PRR16: variants seen among roughly 807,000 people sequenced by gnomAD.
The protein encoded by PRR16 is protein Largen.
A neutral mutation model predicts 18.2 loss-of-function variants in PRR16; 6 were observed. That is an observed-to-expected ratio of 0.33 (90% CI 0.18 to 0.65). PRR16 has a LOEUF of 0.65. PRR16 is among the 30% of genes least tolerant of loss of function. PRR16 has a pLI of 0.74. For missense variants in PRR16, 412 were observed against 376.6 expected (o/e 1.09, Z -0.78); for synonymous variants, 151 against 147.8 (o/e 1.02, Z -0.16).
chr5:120,656,361 T>C (rs1305731649), intron 1 of PRR16, among the ~76,000 whole-genome samples: 1 of 150,280 alleles, frequency 6.7e-6, no homozygotes, highest in African/African-American at 2.5e-5. Context: ...GGATGTAAGA[T>C]AAGTGGTAGC....
intron 1 of PRR16, among the ~76,000 whole-genome samples, chr5:120,573,563 A>G (rs542879152): frequency 2.2e-3 from 338 of 152,276 alleles, no homozygotes; most frequent in African/African-American, 7.6e-3. Flanking sequence ...GAGCACGGTG[A>G]ACTTGGAGAA....
chr5:120,692,381 A>G, the PRR16 span, among the ~76,000 whole-genome samples: 1 of 152,330 alleles, frequency 6.6e-6, no homozygotes, highest in South Asian at 2.1e-4. Flanking sequence ...ATTAAAAAGT[A>G]AAGACTGTGT....
At chr5:120,737,739 T>C in the PRR16 span, among the ~76,000 whole-genome samples, 19 of 151,948 alleles carry the variant, frequency 1.3e-4, no homozygotes, top group Non-Finnish European at 5.9e-5. Context: ...ACGGGATTAT[T>C]TTGTTTGTTT....
chr5:120,519,268 T>G (rs1180228345), intron 1 of PRR16, among the ~76,000 whole-genome samples: 1 of 152,122 alleles, frequency 6.6e-6, no homozygotes, highest in Non-Finnish European at 1.5e-5. Flanking sequence ...TAATAAATTG[T>G]ATCAGTTACA....
chr5:120,711,001 T>C, the PRR16 span, among the ~76,000 whole-genome samples: 3 of 152,018 alleles, frequency 2.0e-5, no homozygotes, highest in Non-Finnish European at 4.4e-5. Flanking sequence ...CCATGGTCTG[T>C]TCCTCCATTT....
At chr5:120,617,184 C>A in intron 1 of PRR16, 2 of 985,150 alleles carry the variant, frequency 2.0e-6, no homozygotes, top group Non-Finnish European at 2.4e-6. Context: ...TCAGGAAATG[C>A]CCAAGAAGGT....
intron 1 of PRR16, among the ~76,000 whole-genome samples, chr5:120,500,638 C>A (rs1359834134): frequency 6.6e-6 from 1 of 152,086 alleles, no homozygotes; most frequent in Non-Finnish European, 1.5e-5. Flanking sequence ...AGCATTTATT[C>A]TTGATTTCTT....
the PRR16 span, among the ~76,000 whole-genome samples, chr5:120,718,193 C>A: frequency 1.3e-5 from 2 of 152,028 alleles, no homozygotes; most frequent in Non-Finnish European, 2.9e-5. Flanking sequence ...GCAGTGAAAC[C>A]TAGAGTTTAA....
At chr5:120,726,319 G>A in the PRR16 span, among the ~76,000 whole-genome samples, 1 of 152,038 alleles carries the variant, frequency 6.6e-6, no homozygotes, top group African/African-American at 2.4e-5. Context: ...TCCTCTGTAA[G>A]CCTTCTGTGG....
At chr5:120,515,291 C>T (rs1484280392) in intron 1 of PRR16, among the ~76,000 whole-genome samples, 4 of 152,168 alleles carry the variant, frequency 2.6e-5, no homozygotes, top group South Asian at 2.1e-4. Context: ...GCCTCATAAC[C>T]CAATCACCTC....
At chr5:120,569,680 G>A (rs1403892078) in intron 1 of PRR16, among the ~76,000 whole-genome samples, 1 of 152,072 alleles carries the variant, frequency 6.6e-6, no homozygotes, top group Non-Finnish European at 1.5e-5. Flanking sequence ...ATGCCACGGT[G>A]TCCTGTCATG....
intron 1 of PRR16, among the ~76,000 whole-genome samples, chr5:120,595,370 A>C (rs781096361): frequency 4.6e-5 from 7 of 151,936 alleles, no homozygotes; most frequent in Non-Finnish European, 1.0e-4. Context: ...CATTAGAGAA[A>C]AGCAAATCAA....
chr5:120,782,086 A>C, the PRR16 span, among the ~76,000 whole-genome samples: 1 of 152,098 alleles, frequency 6.6e-6, no homozygotes, highest in Non-Finnish European at 1.5e-5. Context: ...TTCTGTAGTG[A>C]CTCTTGAATG....
the PRR16 span, among the ~76,000 whole-genome samples, chr5:120,718,792 T>C: frequency 1.3e-5 from 2 of 152,182 alleles, no homozygotes; most frequent in East Asian, 3.9e-4. Context: ...CAGGCAAGTA[T>C]TACCTCAACA....
intron 1 of PRR16, among the ~76,000 whole-genome samples, chr5:120,521,635 ACTT>A (rs1452628245): frequency 6.6e-6 from 1 of 151,790 alleles, no homozygotes; most frequent in Non-Finnish European, 1.5e-5. Context: ...AACATTTATC[ACTT>A]CTTTGTGGTA....
intron 1 of PRR16, among the ~76,000 whole-genome samples, chr5:120,511,615 T>C (rs991896251): frequency 6.6e-6 from 1 of 152,190 alleles, no homozygotes; most frequent in African/African-American, 2.4e-5. Flanking sequence ...GTAGATTAAT[T>C]CAGTATTTAA....
intron 1 of PRR16, among the ~76,000 whole-genome samples, chr5:120,671,150 T>C (rs775814325): frequency 3.9e-5 from 6 of 152,164 alleles, no homozygotes; most frequent in Admixed American, 2.0e-4. Flanking sequence ...CTGTACTACA[T>C]TGGATGATTT....
the PRR16 span, among the ~76,000 whole-genome samples, chr5:120,720,004 T>A: frequency 6.6e-6 from 1 of 152,030 alleles, no homozygotes; most frequent in Non-Finnish European, 1.5e-5. Flanking sequence ...TATAAACCCC[T>A]GCACATAGTG....
chr5:120,743,631 C>T, the PRR16 span, among the ~76,000 whole-genome samples: 1 of 152,044 alleles, frequency 6.6e-6, no homozygotes, highest in African/African-American at 2.4e-5. Flanking sequence ...AGTTTTGTAG[C>T]AGATGTTTCT....
Sources: gnomAD v4.1 joint callset for allele counts (sites outside exome capture counted in the v4.1 genomes callset) on GRCh38, gnomAD v4.1.1 for gene constraint, MANE v1.5 for transcripts, NCBI Gene and HGNC (gene_info 2026-07-23, HGNC 2026-07-21) for gene names.